Variants in CUX1 observed in about 807,000 individuals in gnomAD.
The protein encoded by CUX1 is cut like homeobox 1.
Under a neutral mutation model 158.8 loss-of-function variants are expected in CUX1, and 31 were observed. That is an observed-to-expected ratio of 0.20 (90% CI 0.15 to 0.26). CUX1 has a LOEUF of 0.26. CUX1 is among the 10% of genes least tolerant of loss of function. CUX1 has a pLI of 1.00. For synonymous variants in CUX1, 879 were observed against 862.1 expected (o/e 1.02, Z -0.34); for missense variants, 1,589 against 2,014.6 (o/e 0.79, Z 4.04).
chr7:101,896,982 G>C (rs1457908867), intron 1 of CUX1, among the ~76,000 whole-genome samples: 1 of 152,132 alleles, frequency 6.6e-6, no homozygotes, highest in East Asian at 1.9e-4. Context: ...CTCAGCAGTG[G>C]CCCCCCTGAG....
intron 1 of CUX1, among the ~76,000 whole-genome samples, chr7:101,872,622 G>A (rs1798691381): frequency 6.6e-6 from 1 of 151,030 alleles, no homozygotes; most frequent in African/African-American, 2.4e-5. Context: ...ATACTTTTCT[G>A]TATGCGTGAA....
chr7:102,243,251 G>A (rs1358508856), intron 23 of CUX1, among the ~76,000 whole-genome samples: 1 of 152,142 alleles, frequency 6.6e-6, no homozygotes, highest in Non-Finnish European at 1.5e-5. Context: ...TCCAGTCTGG[G>A]TGACACAGCG....
At chr7:101,975,834 C>T (rs929007417) in intron 2 of CUX1, among the ~76,000 whole-genome samples, 2 of 152,172 alleles carry the variant, frequency 1.3e-5, no homozygotes, top group African/African-American at 4.8e-5. Flanking sequence ...CGTCATCTTA[C>T]TCACTTTTAA....
intron 9 of CUX1, among the ~76,000 whole-genome samples, chr7:102,165,454 G>GCAATTCTCATGC (rs1190970110): frequency 1.4e-5 from 2 of 145,574 alleles, no homozygotes; most frequent in African/African-American, 5.1e-5. Flanking sequence ...CCAGATTCAA[G>GCAATTCTCATGC]CAATTCTCAT....
chr7:102,115,097 C>A (rs1422982046), intron 7 of CUX1, 110 bp from the exon 8 acceptor site: 10 of 889,322 alleles, frequency 1.1e-5, no homozygotes, highest in Non-Finnish European at 1.8e-5. Flanking sequence ...TTTTTCCACG[C>A]ACCTCGCTCC....
At chr7:102,104,210 G>C in intron 5 of CUX1, 126 bp from the exon 6 acceptor site, 2 of 862,640 alleles carry the variant, frequency 2.3e-6, no homozygotes, top group Non-Finnish European at 3.5e-6. Context: ...CATTGATTTT[G>C]TGTCAGAGTT....
chr7:102,075,604 C>T (rs1161316247), intron 4 of CUX1, among the ~76,000 whole-genome samples: 1 of 152,200 alleles, frequency 6.6e-6, no homozygotes, highest in Non-Finnish European at 1.5e-5. Context: ...ATTATTTCTT[C>T]AAAATGCTGA....
At chr7:101,876,310 G>A (rs1247268404) in intron 1 of CUX1, among the ~76,000 whole-genome samples, 13 of 148,218 alleles carry the variant, frequency 8.8e-5, no homozygotes, top group South Asian at 2.1e-4. Context: ...GTGCCACTGC[G>A]TTCCAGCCTG....
chr7:101,923,920 G>T (rs572921984), intron 2 of CUX1, among the ~76,000 whole-genome samples: 37 of 152,170 alleles, frequency 2.4e-4, no homozygotes, highest in Non-Finnish European at 5.3e-4. Context: ...CCGGCCTGGC[G>T]CATTTCTCTG....
intron 21 of CUX1, among the ~76,000 whole-genome samples, chr7:102,228,760 T>C (rs1486428145): frequency 6.6e-6 from 1 of 152,212 alleles, no homozygotes; most frequent in African/African-American, 2.4e-5. Context: ...ACCATGCCAC[T>C]GTACTTCAGC....
At chr7:102,145,668 C>G (rs1231087629) in intron 8 of CUX1, among the ~76,000 whole-genome samples, 1 of 151,952 alleles carries the variant, frequency 6.6e-6, no homozygotes, top group South Asian at 2.1e-4. Context: ...ATGGGAGGGC[C>G]GGGCGCGGTG....
intron 11 of CUX1, 61 bp from the exon 12 acceptor site, chr7:102,189,752 G>A (rs1277818201): frequency 2.5e-5 from 40 of 1,572,076 alleles, no homozygotes; most frequent in South Asian, 1.3e-4. Flanking sequence ...GAATGCCGTC[G>A]GTGAAGTCCG....
At chr7:102,010,326 G>A (rs1437301653) in intron 2 of CUX1, among the ~76,000 whole-genome samples, 2 of 151,028 alleles carry the variant, frequency 1.3e-5, no homozygotes, top group Admixed American at 6.6e-5. Flanking sequence ...ACCCAGAGGT[G>A]GAGGTTGCAG....
intron 14 of CUX1, among the ~76,000 whole-genome samples, chr7:102,271,386 T>C (rs1554546208): frequency 6.6e-6 from 1 of 152,164 alleles, no homozygotes; most frequent in African/African-American, 2.4e-5. Flanking sequence ...CAAGGCCCCA[T>C]TAGCTTTCTG....
chr7:102,261,592 G>T (rs1554543879), downstream of CUX1, among the ~76,000 whole-genome samples: 1 of 151,634 alleles, frequency 6.6e-6, no homozygotes, highest in African/African-American at 2.4e-5. Context: ...CCCATTTGGG[G>T]CAGTGGTGTG....
intron 2 of CUX1, among the ~76,000 whole-genome samples, chr7:101,995,716 G>A (rs944291100): frequency 1.3e-5 from 2 of 152,216 alleles, no homozygotes; most frequent in African/African-American, 4.8e-5. Context: ...TCCCATAGGG[G>A]CGTCTGCTTA....
intron 3 of CUX1, among the ~76,000 whole-genome samples, chr7:102,056,107 T>C (rs534936985): frequency 1.3e-5 from 2 of 152,316 alleles, no homozygotes; most frequent in South Asian, 2.1e-4. Context: ...CGGAGGTTGA[T>C]TCATGATGTT....
At chr7:101,837,395 A>G (rs771591132) in intron 1 of CUX1, among the ~76,000 whole-genome samples, 2 of 152,172 alleles carry the variant, frequency 1.3e-5, no homozygotes, top group Non-Finnish European at 2.9e-5. Context: ...TTAGTTGTGT[A>G]TGTGTATCTC....
At chr7:102,121,563 C>G (rs1554493517) in intron 8 of CUX1, among the ~76,000 whole-genome samples, 2 of 152,176 alleles carry the variant, frequency 1.3e-5, no homozygotes, top group Admixed American at 6.5e-5. Flanking sequence ...CCAGGCTGGT[C>G]TCGAACTCCC....
Sources: allele counts gnomAD v4.1 joint callset (sites outside exome capture counted in the v4.1 genomes callset), GRCh38; gene constraint gnomAD v4.1.1; transcripts MANE v1.5; gene names NCBI Gene and HGNC (gene_info 2026-07-23, HGNC 2026-07-21).